PKN2: variants seen among roughly 807,000 people sequenced by gnomAD.
The protein encoded by PKN2 is protein kinase N2.
Under a neutral mutation model 119.1 loss-of-function variants are expected in PKN2, and 38 were observed. The ratio of observed to expected loss-of-function variants is 0.32; its 90% CI spans 0.25 to 0.42. PKN2 has a LOEUF of 0.42. Among genes scored for constraint, PKN2 ranks in the 10% least tolerant of loss-of-function variants. The probability of loss-of-function intolerance (pLI) is 1.00; values close to 1 mark genes in which losing one functional copy is unlikely to be tolerated. For synonymous variants in PKN2, 390 were observed against 384.9 expected (o/e 1.01, Z -0.15); for missense variants, 850 against 1,165.1 (o/e 0.73, Z 3.94).
chr1:88,762,111 TGGATGAAAG>T (rs933207394), intron 3 of PKN2, among the ~76,000 whole-genome samples: 14 of 152,200 alleles, frequency 9.2e-5, no homozygotes, highest in Non-Finnish European at 4.4e-5. Context: ...GATAGTTGTA[TGGATGAAAG>T]GGCTGTAGGT....
chr1:88,738,788 A>G (rs939411802), intron 1 of PKN2, among the ~76,000 whole-genome samples: 1 of 152,248 alleles, frequency 6.6e-6, no homozygotes, highest in Non-Finnish European at 1.5e-5. Context: ...GAGGAATGGA[A>G]CTAGCTTAAA....
chr1:88,762,460 C>T (rs1298479241), intron 3 of PKN2, among the ~76,000 whole-genome samples: 1 of 152,050 alleles, frequency 6.6e-6, no homozygotes. Flanking sequence ...CTTTAAACTT[C>T]TCAGAGGGTC....
chr1:88,804,254 T>A lies in PKN2; in HGVS notation c.1282-137T>A. The A allele has an allele frequency of 6.1e-6, 4 of 656,356 alleles. No homozygotes were observed. In the South Asian group the frequency reaches 8.4e-5, roughly 14 times the overall value. 40.7% of individuals were successfully genotyped at this position (656,356 alleles called of 1,614,324 possible). On this transcript the variant is annotated intron_variant, in intron 8 of 21. Transcript: ENST00000370521. ...ACAGTTGAGAAATGTTACAAACCTC[T>A]TTAAAACAGTGTGACCTTTGTGTGT...
intron 1 of PKN2, among the ~76,000 whole-genome samples, chr1:88,721,155 G>A (rs1667663656): frequency 6.6e-6 from 1 of 151,974 alleles, no homozygotes. Flanking sequence ...TGGGATTGCT[G>A]GATCAAATGG....
At chr1:88,801,718 G>T (rs764941292) in intron 8 of PKN2, among the ~76,000 whole-genome samples, 1 of 152,152 alleles carries the variant, frequency 6.6e-6, no homozygotes, top group South Asian at 2.1e-4. Flanking sequence ...AAGTCAGCAC[G>T]GAGACAAAGG....
chr1:88,700,729 T>C (rs1484434512), intron 1 of PKN2, among the ~76,000 whole-genome samples: 1 of 152,240 alleles, frequency 6.6e-6, no homozygotes, highest in African/African-American at 2.4e-5. Context: ...TATGATCAAA[T>C]AAATTTGTAT....
intron 1 of PKN2, among the ~76,000 whole-genome samples, chr1:88,717,165 C>T (rs925122301): frequency 1.4e-4 from 21 of 152,270 alleles, no homozygotes; most frequent in East Asian, 5.8e-4. Context: ...AAGAGATCAG[C>T]TGTTAGTCTG....
Position 88,720,024 on chromosome 1 carries a change from T to TTTG in PKN2, c.49-20943_49-20941dup, listed in dbSNP as rs34630092. On this transcript the variant is annotated intron_variant, in intron 1 of 21. Coordinates refer to ENST00000370521, the MANE Select transcript of PKN2 (RefSeq NM_006256.4). ...TTTTGAACTAGGAGTCAAAATGTTT[T>TTTG]TTGTTGTTGTTGTTGTTGTTGTTTT... 9.0e-3 allele frequency among the ~76,000 whole-genome samples: 1,369 copies of TTTG among 151,900 alleles called. 17 individuals carry two copies. The highest frequency in any genetic ancestry group is 0.048 in the East Asian group (250 of 5,160).
Position 88,813,633 on chromosome 1 carries a change from T to G in PKN2, c.2179T>G (p.Phe727Val). ...CTTTTTGGTGAACCTTTTTGCATGT[T>G]TCCAAACCAAAGAGCATGTTTGCTT... is the stretch of plus-strand genomic sequence containing the variant. ...HPFLVNLFAC[F>V]QTKEHVCFVM... Residue 727 changes from phenylalanine (F) to valine (V), a missense_variant, in exon 16 of 22, where the codon TTC (phenylalanine) becomes GTC (valine). Transcript: ENST00000370521. The G allele has an allele frequency of 6.2e-7, 1 of 1,610,488 alleles. No homozygotes were observed. Among genetic ancestry groups the G allele is most frequent in the Non-Finnish European group, 8.5e-7 (1 of 1,178,810 alleles).
intron 18 of PKN2, among the ~76,000 whole-genome samples, 173 bp from the exon 19 acceptor site, chr1:88,828,308 T>A (rs1394981657): frequency 1.3e-5 from 2 of 152,200 alleles, no homozygotes; most frequent in Non-Finnish European, 2.9e-5. Flanking sequence ...GCTATTGCAG[T>A]TTTTGCTATA....
At chr1:88,803,837 T>A (rs1196342807) in intron 8 of PKN2, among the ~76,000 whole-genome samples, 2 of 152,178 alleles carry the variant, frequency 1.3e-5, no homozygotes, top group Non-Finnish European at 2.9e-5. Flanking sequence ...GCAGAATGGG[T>A]CTTGCTACCC....
chr1:88,806,517 G>C (rs945177601), intron 12 of PKN2, among the ~76,000 whole-genome samples: 3 of 151,968 alleles, frequency 2.0e-5, no homozygotes, highest in African/African-American at 7.3e-5. Flanking sequence ...AGACTGAGTT[G>C]GTAGGAGACA....
chr1:88,761,446 T>C (rs1339921653), intron 3 of PKN2, among the ~76,000 whole-genome samples: 2 of 151,830 alleles, frequency 1.3e-5, no homozygotes, highest in Non-Finnish European at 2.9e-5. Flanking sequence ...GGGAAATATT[T>C]TTTTTCTTAA....
At chr1:88,801,793 G>A (rs1338991063) in intron 8 of PKN2, among the ~76,000 whole-genome samples, 7 of 152,186 alleles carry the variant, frequency 4.6e-5, no homozygotes, top group African/African-American at 1.7e-4. Context: ...GAACAATCGC[G>A]AGAGCACACC....
chr1:88,729,966 C>T (rs1243032547), intron 1 of PKN2, among the ~76,000 whole-genome samples: 3 of 152,112 alleles, frequency 2.0e-5, no homozygotes, highest in Non-Finnish European at 4.4e-5. Flanking sequence ...GAGAGCGAGA[C>T]CATCCGGTTT....
At chr1:88,685,310 C>T (rs1445279358) in intron 1 of PKN2, 1 of 151,822 alleles carries the variant, frequency 6.6e-6, no homozygotes, top group Admixed American at 6.6e-5. Context: ...GCTACCCCTG[C>T]CCAGATCCGG....
chr1:88,720,024 T>G (rs902670636), intron 1 of PKN2, among the ~76,000 whole-genome samples: 3 of 151,790 alleles, frequency 2.0e-5, no homozygotes, highest in East Asian at 1.9e-4. Flanking sequence ...CAAAATGTTT[T>G]TTGTTGTTGT....
intron 8 of PKN2, among the ~76,000 whole-genome samples, chr1:88,800,284 C>G (rs928699128): frequency 6.6e-6 from 1 of 152,156 alleles, no homozygotes; most frequent in Admixed American, 6.5e-5. Flanking sequence ...AGTCTTAAAA[C>G]AGGAGTTTTT....
chr1:88,793,902 G>T (rs963089198), intron 8 of PKN2, among the ~76,000 whole-genome samples: 4 of 152,160 alleles, frequency 2.6e-5, no homozygotes, highest in Non-Finnish European at 5.9e-5. Flanking sequence ...ATTTTCAGTC[G>T]TGGTTGGTTT....
Sources: allele counts gnomAD v4.1 joint callset (sites outside exome capture counted in the v4.1 genomes callset), GRCh38; gene constraint gnomAD v4.1.1; transcripts MANE v1.5; gene names NCBI Gene and HGNC (gene_info 2026-07-23, HGNC 2026-07-21).